Variants in MTA1 observed in about 807,000 individuals in gnomAD.
MTA1 encodes metastasis associated 1, also known as metastasis-associated protein MTA1.
MTA1 carries 15 observed loss-of-function variants against 97.0 expected under a neutral mutation model. The ratio of observed to expected loss-of-function variants is 0.15; its 90% CI spans 0.10 to 0.24. MTA1 has a LOEUF of 0.24. Ranked by LOEUF, MTA1 falls within the 10% of genes least tolerant of loss-of-function variation. The pLI is 1.00. For missense variants in MTA1, 709 were observed against 1,015.1 expected, an observed-to-expected ratio of 0.70 and a Z score of 4.10; for synonymous variants, 435 against 417.5, an observed-to-expected ratio of 1.04 and a Z score of -0.51.
At chr14:105,426,187 C>T (rs913733439) in intron 1 of MTA1, among the ~76,000 whole-genome samples, 23 of 152,064 alleles carry the variant, frequency 1.5e-4, no homozygotes, top group African/African-American at 4.6e-4. Flanking sequence ...GAGGGGACCA[C>T]GCGTCCCTTC....
chr14:105,448,509 G>A (rs368135577), intron 3 of MTA1, among the ~76,000 whole-genome samples: 69 of 152,314 alleles, frequency 4.5e-4, no homozygotes, highest in African/African-American at 1.5e-3. Flanking sequence ...TGGTGTGTGG[G>A]CCTCTGGGCC....
intron 1 of MTA1, among the ~76,000 whole-genome samples, chr14:105,430,554 G>A (rs1485358992): frequency 1.3e-5 from 2 of 152,166 alleles, no homozygotes; most frequent in Admixed American, 6.6e-5. Flanking sequence ...AGCACCTGCT[G>A]TTGGAAAAAT....
In MTA1 at chr14:105,469,416, T is replaced by C. The variant is rs587721442; in HGVS notation, c.1814-51T>C. The C allele has an allele frequency of 2.1e-5, 33 of 1,602,488 alleles. No individual in the cohort carries two copies. In the African/African-American group the frequency reaches 3.7e-4, roughly 18 times the overall value. The stretch of plus-strand genomic sequence containing the variant: ...CTGAGGCCGTGGTGGGCGGTGGGAG[T>C]GCAGGACGCGCTCTCTCGGGGCCTC... On this transcript the variant is annotated intron_variant, in intron 18 of 20. Coordinates refer to ENST00000331320, the MANE Select transcript of MTA1 (RefSeq NM_004689.4).
In MTA1 at chr14:105,463,598, G is replaced by C; in HGVS notation, c.1076+47G>C. On this transcript the variant is annotated intron_variant, in intron 12 of 20. Coordinates refer to ENST00000331320, the MANE Select transcript of MTA1 (RefSeq NM_004689.4). This position sits in a 1 kb window ranked among gnomAD's most constrained non-coding sequence, Gnocchi z 5.9. ...TCGTCCTCGTGGCCCCGGGGGCCAG[G>C]GAGGGTGGGCACAGGGTGCTGGGGC... 6.3e-7 allele frequency: 1 copy of C among 1,591,872 alleles called. No individual in the cohort carries two copies. Among genetic ancestry groups the C allele is most frequent in the Non-Finnish European group, 8.6e-7 (1 of 1,161,166 alleles).
intron 6 of MTA1, among the ~76,000 whole-genome samples, chr14:105,453,245 G>A (rs138289634): frequency 1.6e-4 from 24 of 152,394 alleles, no homozygotes; most frequent in South Asian, 1.2e-3. Context: ...GGAATGCTCC[G>A]TAGCGCTCCA....
chr14:105,458,797 G>A (rs1159748232), intron 8 of MTA1, among the ~76,000 whole-genome samples: 1 of 152,216 alleles, frequency 6.6e-6, no homozygotes, highest in Non-Finnish European at 1.5e-5. Context: ...CAGCCTGGGA[G>A]GTGGAGAAAA....
intron 2 of MTA1, among the ~76,000 whole-genome samples, chr14:105,442,413 G>T (rs1555425991): frequency 6.6e-6 from 1 of 152,252 alleles, no homozygotes; most frequent in Non-Finnish European, 1.5e-5. Context: ...AAGCAGGGTG[G>T]ACCCCAGCTC....
chr14:105,466,136 C>T, intron 16 of MTA1: 3 of 498,414 alleles, frequency 6.0e-6, no homozygotes, highest in South Asian at 2.2e-5. Flanking sequence ...TGTATGGATC[C>T]TGTTGTCCCG....
intron 1 of MTA1, among the ~76,000 whole-genome samples, chr14:105,421,406 C>T (rs1227869084): frequency 2.0e-5 from 3 of 152,214 alleles, no homozygotes; most frequent in Non-Finnish European, 4.4e-5. Flanking sequence ...GGCCCAGTTT[C>T]TCACCCTGGC....
chr14:105,435,495 C>T (rs1269221061), intron 1 of MTA1, among the ~76,000 whole-genome samples: 2 of 152,128 alleles, frequency 1.3e-5, no homozygotes, highest in Non-Finnish European at 2.9e-5. Context: ...GTGATGTTGC[C>T]TAAGCTGGTC....
intron 3 of MTA1, among the ~76,000 whole-genome samples, chr14:105,448,696 G>A (rs1555427836): frequency 1.2e-5 from 1 of 83,944 alleles, no homozygotes; most frequent in Non-Finnish European, 3.0e-5. Flanking sequence ...TTGAGGCCCA[G>A]ATAGGGCCGG....
Position 105,463,241 on chromosome 14 carries a change from G to T in MTA1, c.1000G>T (p.Asp334Tyr). The T allele has an allele frequency of 6.2e-7, 1 of 1,610,738 alleles. No homozygotes were observed. Residue 334 changes from aspartate (D) to tyrosine (Y), a missense_variant, in exon 11 of 21, where the codon GAC (aspartate) becomes TAC (tyrosine). Coordinates refer to ENST00000331320, the MANE Select transcript of MTA1 (RefSeq NM_004689.4). The surrounding 1 kb of genome is among the most constrained non-coding windows in gnomAD (Gnocchi z 5.9). ...IEYYYMWKTT[D>Y]RYVQQKRLKA... Reference sequence around the variant, plus strand: ...GTACTACTACATGTGGAAGACCACCGACAGATACGTGCAGCAGGTGAGCCC... The same window carrying T: ...GTACTACTACATGTGGAAGACCACCTACAGATACGTGCAGCAGGTGAGCCC...
Position 105,420,771 on chromosome 14 carries a change from C to T in MTA1, c.28+708C>T, listed in dbSNP as rs1198394862. ...GGCCCAGCCTCCTGTTGCTCGGGCC[C>T]CCCGGGCCTGCAGCTTTGAGCCTTG... is the stretch of plus-strand genomic sequence containing the variant. On this transcript the variant is annotated intron_variant, in intron 1 of 20. Coordinates refer to ENST00000331320, the MANE Select transcript of MTA1 (RefSeq NM_004689.4). The surrounding 1 kb of genome is among the most constrained non-coding windows in gnomAD (Gnocchi z 5.3). 6.6e-6 allele frequency among the ~76,000 whole-genome samples: 1 copy of T among 152,212 alleles called. No individual in the cohort carries two copies. The highest frequency in any genetic ancestry group is 1.5e-5 in the Non-Finnish European group (1 of 68,022).
chr14:105,450,959 T>C (rs6576103), intron 6 of MTA1, among the ~76,000 whole-genome samples: 143,075 of 152,260 alleles, frequency 0.94, 67,861 homozygotes, highest in East Asian at 1. Flanking sequence ...GCGTCTGGAG[T>C]GTGTTGGTTC....
chr14:105,454,017 C>T (rs1181652102), intron 6 of MTA1, among the ~76,000 whole-genome samples, 176 bp from the exon 7 acceptor site: 2 of 152,186 alleles, frequency 1.3e-5, no homozygotes, highest in African/African-American at 4.8e-5. Flanking sequence ...AGGCTCCTCC[C>T]AGGCATGGCC....
intron 18 of MTA1, 116 bp downstream of exon 18, chr14:105,466,858 T>A: frequency 9.4e-7 from 1 of 1,064,996 alleles, no homozygotes. Flanking sequence ...GCAGTCCACG[T>A]GAGCCAGGCC....
intron 1 of MTA1, among the ~76,000 whole-genome samples, chr14:105,425,302 CAG>C (rs2081975876): frequency 6.6e-6 from 1 of 151,998 alleles, no homozygotes; most frequent in South Asian, 2.1e-4. Context: ...TTTTTTGAGA[CAG>C]GGTCTCCTGT....
intron 1 of MTA1, among the ~76,000 whole-genome samples, chr14:105,436,000 G>A (rs1469607931): frequency 2.6e-5 from 4 of 152,178 alleles, no homozygotes; most frequent in African/African-American, 9.7e-5. Context: ...TGGGCATGGT[G>A]GCTCATGCCT....
intron 19 of MTA1, 119 bp from the exon 20 acceptor site, chr14:105,469,722 G>C (rs997938524): frequency 1.1e-5 from 15 of 1,417,320 alleles, no homozygotes; most frequent in East Asian, 2.5e-5. Context: ...CTGGGGGTCC[G>C]TGTAACTCAC....
Sources: allele counts gnomAD v4.1 joint callset (sites outside exome capture counted in the v4.1 genomes callset), GRCh38; gene constraint gnomAD v4.1.1; non-coding constraint Gnocchi (gnomAD v3.1); transcripts MANE v1.5; gene names NCBI Gene and HGNC (gene_info 2026-07-23, HGNC 2026-07-21).